NAA15: variants seen among roughly 807,000 people sequenced by gnomAD.
NAA15 encodes the protein N-alpha-acetyltransferase 15, NatA auxiliary subunit, also known as N-terminal acetyltransferase.
Under a neutral mutation model 114.0 loss-of-function variants are expected in NAA15, and 34 were observed. The observed-to-expected ratio is 0.30, with a 90% CI of 0.23 to 0.40. The LOEUF is 0.40. NAA15 is among the 10% of genes least tolerant of loss of function. The probability of loss-of-function intolerance (pLI) is 1.00; values close to 1 mark genes in which losing one functional copy is unlikely to be tolerated. For missense variants in NAA15, 658 were observed against 1,004.5 expected (o/e 0.66, Z 4.66); for synonymous variants, 340 against 338.0 (o/e 1.01, Z -0.06).
chr4:139,312,765 G>C (rs992353182), intron 1 of NAA15, among the ~76,000 whole-genome samples: 1 of 151,636 alleles, frequency 6.6e-6, no homozygotes, highest in Middle Eastern at 3.2e-3. Flanking sequence ...AGGACCGCTT[G>C]AGCCTAGGAG....
intron 9 of NAA15, 50 bp from the exon 10 acceptor site, chr4:139,353,976 G>A: frequency 1.4e-6 from 2 of 1,428,882 alleles, no homozygotes; most frequent in Non-Finnish European, 2.0e-6. Flanking sequence ...CATAAGAATA[G>A]TAAATGTGTG....
At chr4:139,340,430 A>G (rs1747343799) in intron 3 of NAA15, among the ~76,000 whole-genome samples, 2 of 152,194 alleles carry the variant, frequency 1.3e-5, no homozygotes, top group Admixed American at 1.3e-4. Context: ...TGTCCTAAGA[A>G]TCTTGTTAGT....
At chr4:139,347,788 T>A (rs1472753425) in intron 6 of NAA15, among the ~76,000 whole-genome samples, 1 of 151,262 alleles carries the variant, frequency 6.6e-6, no homozygotes, top group Non-Finnish European at 1.5e-5. Flanking sequence ...ATCCCAGCAC[T>A]TTGGGAGGCC....
At chr4:139,303,950 C>T (rs1487260902) in intron 1 of NAA15, among the ~76,000 whole-genome samples, 2 of 152,080 alleles carry the variant, frequency 1.3e-5, no homozygotes, top group African/African-American at 2.4e-5. Flanking sequence ...CGGAGTCTCG[C>T]TCTGTCGCCC....
chr4:139,353,431 AT>A (rs1334418811), intron 9 of NAA15, among the ~76,000 whole-genome samples: 1 of 152,188 alleles, frequency 6.6e-6, no homozygotes, highest in Non-Finnish European at 1.5e-5. Context: ...TCCCTTAAAC[AT>A]GGATTAAACA....
intron 14 of NAA15, among the ~76,000 whole-genome samples, chr4:139,362,348 C>G (rs975457971): frequency 6.6e-6 from 1 of 152,108 alleles, no homozygotes; most frequent in Admixed American, 6.6e-5. Flanking sequence ...TGCATGATCT[C>G]GGATCACTGC....
In NAA15 at chr4:139,357,753, G is replaced by A. The variant is rs537454330; in HGVS notation, c.1257+198G>A. On this transcript the variant is annotated intron_variant, in intron 11 of 19. Coordinates refer to ENST00000296543, the MANE Select transcript of NAA15 (RefSeq NM_057175.5). ...CTAATTTGGTGATTTATCTATATCC[G>A]TATACACACACATACGTACATACAT... is the stretch of plus-strand genomic sequence containing the variant. Among the ~76,000 whole-genome samples the A allele has an allele frequency of 1.0e-3, 156 of 152,176 alleles. 3 individuals are homozygous for A. In the South Asian group the frequency reaches 0.01, roughly 10 times the overall value.
At chr4:139,309,600 C>G (rs942136475) in intron 1 of NAA15, among the ~76,000 whole-genome samples, 3 of 151,848 alleles carry the variant, frequency 2.0e-5, no homozygotes, top group African/African-American at 7.3e-5. Flanking sequence ...TAATTTTTGT[C>G]TTTCTGGAGT....
chr4:139,322,232 C>G (rs1199160208), intron 1 of NAA15, among the ~76,000 whole-genome samples: 1 of 152,120 alleles, frequency 6.6e-6, no homozygotes, highest in East Asian at 1.9e-4. Flanking sequence ...CTGTGCTGTT[C>G]TCATGATAGT....
chr4:139,356,617 C>T (rs1747957392), intron 10 of NAA15: 1 of 152,120 alleles, frequency 6.6e-6, no homozygotes, highest in African/African-American at 2.4e-5. Flanking sequence ...TCCACTGAGC[C>T]ATCCTGCTTT....
chr4:139,347,948 C>T (rs963852322), intron 6 of NAA15, among the ~76,000 whole-genome samples: 7 of 150,004 alleles, frequency 4.7e-5, no homozygotes, highest in African/African-American at 1.7e-4. Context: ...AGGAGAATGG[C>T]GTGAACCCGG....
intron 1 of NAA15, among the ~76,000 whole-genome samples, chr4:139,330,004 T>C (rs1212771858): frequency 6.6e-6 from 1 of 152,200 alleles, no homozygotes; most frequent in African/African-American, 2.4e-5. Context: ...CGCCACCTGT[T>C]AGCACCACCT....
chr4:139,302,759 G>A (rs952292415), intron 1 of NAA15, among the ~76,000 whole-genome samples: 4 of 152,174 alleles, frequency 2.6e-5, no homozygotes, highest in African/African-American at 9.7e-5. Context: ...TGTGCAGTTT[G>A]TATTTTTTTA....
chr4:139,377,212 A>C (rs1748603543), intron 16 of NAA15, among the ~76,000 whole-genome samples: 1 of 142,644 alleles, frequency 7.0e-6, no homozygotes, highest in Non-Finnish European at 1.5e-5. Context: ...ATTGAATAAC[A>C]TGGTACTTCT....
intron 17 of NAA15, among the ~76,000 whole-genome samples, chr4:139,383,668 G>T (rs1019720454): frequency 6.6e-6 from 1 of 151,992 alleles, no homozygotes; most frequent in Non-Finnish European, 1.5e-5. Flanking sequence ...ACGGGGTTTC[G>T]CCATGTTGGC....
intron 3 of NAA15, among the ~76,000 whole-genome samples, chr4:139,337,767 A>G (rs1747247072): frequency 6.6e-6 from 1 of 152,244 alleles, no homozygotes; most frequent in African/African-American, 2.4e-5. Context: ...CAAAGAAAAG[A>G]TAACAGATTT....
chr4:139,384,946 G>C lies in NAA15; in HGVS notation c.2270G>C (p.Arg757Thr). ...PKNFNETFLK[R>T]NSDSLPHRLS... ...AATTTTAATGAAACTTTTCTGAAAA[G>C]GAATTCTGATTCATTGCCACACAGA... Residue 757 changes from arginine to threonine, a missense_variant, in exon 18 of 20, where the codon AGG (arginine) becomes ACG (threonine). Coordinates refer to ENST00000296543, the MANE Select transcript of NAA15 (RefSeq NM_057175.5). 1 of 1,569,400 alleles carries C rather than the reference G, an allele frequency of 6.4e-7. No individual in the cohort carries two copies. The highest frequency in any genetic ancestry group is 8.6e-7 in the Non-Finnish European group (1 of 1,161,078).
In NAA15 at chr4:139,372,531, C is replaced by T. The variant is rs541450965; in HGVS notation, c.1947+2127C>T. ...ACATATTATTCTTACCTGTTAGGTA[C>T]ATAAGACCTTTTTCTTCCTCAGCTA... On this transcript the variant is annotated intron_variant, in intron 15 of 19. Coordinates refer to ENST00000296543, the MANE Select transcript of NAA15 (RefSeq NM_057175.5). 1.3e-3 allele frequency among the ~76,000 whole-genome samples: 200 copies of T among 152,312 alleles called. 2 individuals are homozygous for T. Among genetic ancestry groups the T allele is most frequent in the African/African-American group, 4.7e-3 (196 of 41,578 alleles).
At chr4:139,361,686 T>G in intron 13 of NAA15, 38 bp from the exon 14 acceptor site, 1 of 1,298,952 alleles carries the variant, frequency 7.7e-7, no homozygotes. Context: ...TAGCCATTGC[T>G]GTACTTCGGT....
Sources: allele counts gnomAD v4.1 joint callset (sites outside exome capture counted in the v4.1 genomes callset), GRCh38; gene constraint gnomAD v4.1.1; transcripts MANE v1.5; gene names NCBI Gene and HGNC (gene_info 2026-07-23, HGNC 2026-07-21).